ANAPC5: variants seen among roughly 807,000 people sequenced by gnomAD.
ANAPC5 encodes anaphase promoting complex subunit 5.
A neutral mutation model predicts 91.3 loss-of-function variants in ANAPC5; 60 were observed. The ratio of observed to expected loss-of-function variants is 0.66; its 90% CI spans 0.53 to 0.81. The LOEUF is 0.81. ANAPC5 is among the 40% of genes least tolerant of loss of function. The probability of loss-of-function intolerance (pLI) is 0.00; values close to 1 mark genes in which losing one functional copy is unlikely to be tolerated. For synonymous variants in ANAPC5, 340 were observed against 364.1 expected, an observed-to-expected ratio of 0.93 and a Z score of 0.75; for missense variants, 690 against 931.5, an observed-to-expected ratio of 0.74 and a Z score of 3.37.
chr12:121,309,921 A>G (rs1902089475), intron 15 of ANAPC5, 58 bp from the exon 16 acceptor site: 2 of 1,485,886 alleles, frequency 1.3e-6, no homozygotes, highest in Non-Finnish European at 9.0e-7. Flanking sequence ...TTCACCAGGA[A>G]GCGTTTCATT....
chr12:121,313,835 A>G (rs1902258118), intron 15 of ANAPC5, among the ~76,000 whole-genome samples: 1 of 152,234 alleles, frequency 6.6e-6, no homozygotes, highest in Admixed American at 6.5e-5. Context: ...ATTAACACCA[A>G]TCCTTCTCAA....
chr12:121,337,171 T>A (rs1555273569), intron 6 of ANAPC5, 120 bp downstream of exon 6: 28 of 719,148 alleles, frequency 3.9e-5, no homozygotes, highest in Non-Finnish European at 7.1e-6. Flanking sequence ...TGAGCCAAGG[T>A]CGTGCCACTG....
chr12:121,339,980 G>T (rs917480916), intron 5 of ANAPC5, among the ~76,000 whole-genome samples: 1 of 146,670 alleles, frequency 6.8e-6, no homozygotes, highest in Non-Finnish European at 1.5e-5. Flanking sequence ...AGGTTCAAGC[G>T]ATTCTCCTGC....
intron 1 of ANAPC5, chr12:121,351,126 C>G: frequency 4.5e-6 from 2 of 443,650 alleles, no homozygotes; most frequent in African/African-American, 2.0e-5. Context: ...AATCCCAATA[C>G]TCTGGGAGAC....
intron 12 of ANAPC5, 143 bp downstream of exon 12, chr12:121,320,242 A>G (rs1902543320): frequency 4.3e-6 from 3 of 691,668 alleles, no homozygotes; most frequent in Non-Finnish European, 7.1e-6. Flanking sequence ...TATATAAATA[A>G]TATCATACTT....
At chr12:121,314,750 T>G (rs963117946) in intron 15 of ANAPC5, among the ~76,000 whole-genome samples, 3 of 152,002 alleles carry the variant, frequency 2.0e-5, no homozygotes, top group Admixed American at 2.0e-4. Flanking sequence ...TCAGCCTACC[T>G]AGTAGCTGGG....
chr12:121,327,319 G>A (rs1047875444), intron 10 of ANAPC5, 88 bp from the exon 11 acceptor site: 31 of 1,515,466 alleles, frequency 2.0e-5, no homozygotes, highest in East Asian at 7.1e-5. Context: ...GAGTGGAGGC[G>A]TAAAGTCATA....
intron 1 of ANAPC5, chr12:121,351,339 C>CTCCA (rs1436256949): frequency 7.4e-5 from 18 of 243,166 alleles, no homozygotes; most frequent in African/African-American, 3.5e-4. Flanking sequence ...CACTACTGCA[C>CTCCA]TCCAGCCTGG....
chr12:121,317,250 A>G (rs956518610), intron 15 of ANAPC5, among the ~76,000 whole-genome samples: 1 of 150,610 alleles, frequency 6.6e-6, no homozygotes, highest in African/African-American at 2.4e-5. Flanking sequence ...CTTGTGTTAC[A>G]TACTTTTTTT....
rs1311293138 is a variant in ANAPC5, at chr12:121,346,840, G to GA, written c.397+55dup. 3.7e-6 allele frequency: 4 copies of GA among 1,082,362 alleles called. No homozygotes were observed. In the Admixed American group the frequency reaches 1.0e-4, roughly 28 times the overall value. 67.0% of individuals were successfully genotyped at this position (1,082,362 alleles called of 1,614,324 possible). ...GCAGAACAATGATAGACATGACTTA[G>GA]AAAGCTGCTCACTTCAATGAAAATA... On this transcript the variant is annotated intron_variant, in intron 3 of 16. Transcript: ENST00000261819.
At position 121,345,871 on chromosome 12, in the gene ANAPC5, T is replaced by C. The variant is rs377123840; in HGVS notation, c.558A>G (p.Lys186=). The change falls in exon 4 of 17, where the codon AAA becomes AAG. Residue 186 remains lysine, a synonymous_variant. Transcript: ENST00000261819. ...ATACATCAAGTTCTTCTTTTTCCAT[T>C]TTTCTTTCACCCTCATCTCTACTGG... ...ELTSRDEGER[K]MEKEELDVSV... The C allele has an allele frequency of 1.2e-6, 2 of 1,613,724 alleles. No homozygotes were observed. The highest frequency in any genetic ancestry group is 1.7e-6 in the Non-Finnish European group (2 of 1,179,934).
chr12:121,354,136 G>A (rs1284813626), upstream of ANAPC5, among the ~76,000 whole-genome samples: 1 of 151,430 alleles, frequency 6.6e-6, no homozygotes, highest in Non-Finnish European at 1.5e-5. Context: ...CTACAGGCAC[G>A]CACCACCACG....
chr12:121,351,094 G>A (rs530573503), intron 1 of ANAPC5: 10 of 449,656 alleles, frequency 2.2e-5, no homozygotes, highest in African/African-American at 1.0e-4. Context: ...CATGACGGCC[G>A]GGCGCAGTGG....
chr12:121,319,698 T>C lies in ANAPC5; in HGVS notation c.1636A>G (p.Arg546Gly), dbSNP rs1275882097. The change falls in exon 13 of 17, where the codon AGG (arginine) becomes GGG (glycine). Residue 546 changes from arginine (R) to glycine (G), a missense_variant and splice_region_variant. Around this residue, in one of 5 missense-constraint regions of ANAPC5, gnomAD observed 317 missense variants for 438.7 expected, o/e 0.72. Transcript: ENST00000261819. Reference protein sequence around the residue: ...TALNSIEGVYRKAVVLQAQNQ... With the variant: ...TALNSIEGVYGKAVVLQAQNQ... ...GTTAGAGTTTTCAAGGTTTCTTACC[T>C]ATAAACACCCTCTATGCTATTGAGA... 6.2e-7 allele frequency: 1 copy of C among 1,604,582 alleles called. No homozygotes were observed. Among genetic ancestry groups the C allele is most frequent in the Admixed American group, 1.7e-5 (1 of 58,000 alleles).
intron 16 of ANAPC5, among the ~76,000 whole-genome samples, 191 bp downstream of exon 16, chr12:121,309,510 C>T (rs542214643): frequency 1.4e-4 from 22 of 152,254 alleles, no homozygotes; most frequent in Admixed American, 1.4e-3. Flanking sequence ...TAGCCATTCA[C>T]TTGTCCTCAA....
intron 11 of ANAPC5, among the ~76,000 whole-genome samples, chr12:121,325,759 C>T (rs1902789858): frequency 1.3e-5 from 2 of 151,300 alleles, no homozygotes; most frequent in African/African-American, 2.4e-5. Context: ...CCCAGCTATT[C>T]GGGAGGCTGA....
At chr12:121,337,440 A>G (rs1555273621) in intron 5 of ANAPC5, 48 bp from the exon 6 acceptor site, 2 of 1,316,584 alleles carry the variant, frequency 1.5e-6, no homozygotes, top group Non-Finnish European at 2.2e-6. Flanking sequence ...GTCAATAAAC[A>G]TATGAAAAGA....
intron 1 of ANAPC5, among the ~76,000 whole-genome samples, chr12:121,349,197 CAGTT>C (rs1420690441): frequency 1.3e-5 from 2 of 152,144 alleles, no homozygotes; most frequent in Non-Finnish European, 2.9e-5. Context: ...AGAAATCAAA[CAGTT>C]AGTAAAGGAG....
At chr12:121,316,751 A>AG (rs1566180256) in intron 15 of ANAPC5, among the ~76,000 whole-genome samples, 1 of 150,836 alleles carries the variant, frequency 6.6e-6, no homozygotes, top group African/African-American at 2.4e-5. Flanking sequence ...AAAAAAAAAA[A>AG]AAAAAAGAAA....
Sources: gnomAD v4.1 joint callset for allele counts (sites outside exome capture counted in the v4.1 genomes callset) on GRCh38, gnomAD v4.1.1 for gene constraint, gnomAD v4.1.1 regional missense constraint, MANE v1.5 for transcripts, NCBI Gene and HGNC (gene_info 2026-07-23, HGNC 2026-07-21) for gene names.